APP: variants seen among roughly 807,000 people sequenced by gnomAD.
APP encodes the protein amyloid beta precursor protein.
Under a neutral mutation model 101.4 loss-of-function variants are expected in APP, and 31 were observed. The ratio of observed to expected loss-of-function variants is 0.31; its 90% CI spans 0.23 to 0.41. APP has a LOEUF of 0.41. APP is among the 10% of genes least tolerant of loss of function. The pLI, the probability that APP is intolerant of heterozygous loss-of-function variation, is 1.00. For missense variants in APP, 839 were observed against 1,003.7 expected, an observed-to-expected ratio of 0.84 and a Z score of 2.22; for synonymous variants, 366 against 364.4, an observed-to-expected ratio of 1.00 and a Z score of -0.05.
chr21:25,962,993 T>G (rs2041645348), intron 11 of APP, among the ~76,000 whole-genome samples: 1 of 152,090 alleles, frequency 6.6e-6, no homozygotes, highest in Admixed American at 6.5e-5. Flanking sequence ...TTTTGTATTT[T>G]TAGTAGAGAA....
At chr21:26,006,566 G>A (rs1253653028) in intron 6 of APP, among the ~76,000 whole-genome samples, 2 of 152,000 alleles carry the variant, frequency 1.3e-5, no homozygotes, top group Non-Finnish European at 2.9e-5. Flanking sequence ...AGAGCTCCCT[G>A]GATTATACAA....
At chr21:26,137,456 T>C (rs186940226) in intron 1 of APP, among the ~76,000 whole-genome samples, 70 of 152,320 alleles carry the variant, frequency 4.6e-4, no homozygotes, top group African/African-American at 1.6e-3. Flanking sequence ...GTGTTATAAT[T>C]TCAAGTTGTC....
intron 5 of APP, among the ~76,000 whole-genome samples, chr21:26,042,102 A>G (rs994158097): frequency 4.6e-5 from 7 of 152,170 alleles, no homozygotes; most frequent in South Asian, 4.1e-4. Flanking sequence ...TGTATGATTC[A>G]CTTTGCGGCC....
chr21:26,167,866 G>A (rs2063650895), intron 1 of APP, among the ~76,000 whole-genome samples: 1 of 152,110 alleles, frequency 6.6e-6, no homozygotes, highest in Non-Finnish European at 1.5e-5. Context: ...TCTGCAGTCT[G>A]CCAGTTATCA....
chr21:25,936,618 A>C (rs1382695323), intron 13 of APP, among the ~76,000 whole-genome samples: 1 of 152,246 alleles, frequency 6.6e-6, no homozygotes, highest in Non-Finnish European at 1.5e-5. Flanking sequence ...CATGATGCGT[A>C]GGTGGCCATT....
At chr21:25,899,450 CA>C (rs1375944258) in intron 15 of APP, among the ~76,000 whole-genome samples, 1 of 152,010 alleles carries the variant, frequency 6.6e-6, no homozygotes, top group African/African-American at 2.4e-5. Flanking sequence ...GAGACTGGGC[CA>C]AAAAAGGCAC....
intron 6 of APP, among the ~76,000 whole-genome samples, chr21:26,017,265 C>T (rs956720810): frequency 3.4e-5 from 5 of 147,720 alleles, no homozygotes; most frequent in African/African-American, 1.0e-4. Flanking sequence ...GTAAAATTTC[C>T]ACCACACAGC....
intron 8 of APP, among the ~76,000 whole-genome samples, chr21:25,986,559 G>T (rs963871956): frequency 6.6e-6 from 1 of 152,154 alleles, no homozygotes; most frequent in South Asian, 2.1e-4. Context: ...AATTAGCAGG[G>T]TGTGGTGGCG....
At chr21:26,114,988 G>A (rs1386227333) in intron 1 of APP, among the ~76,000 whole-genome samples, 6 of 151,952 alleles carry the variant, frequency 3.9e-5, no homozygotes, top group Admixed American at 1.3e-4. Flanking sequence ...ACTTGATTAC[G>A]GCGCTATAAC....
chr21:26,161,983 A>G (rs1027999541), intron 1 of APP, among the ~76,000 whole-genome samples: 17 of 152,306 alleles, frequency 1.1e-4, no homozygotes, highest in African/African-American at 3.9e-4. Flanking sequence ...TCTTTATTCT[A>G]TGAGCCTATC....
At chr21:25,997,222 T>C (rs897305644) in intron 8 of APP, 138 bp downstream of exon 8, 16 of 826,372 alleles carry the variant, frequency 1.9e-5, no homozygotes, top group Non-Finnish European at 2.9e-5. Flanking sequence ...ACAAGCAAGG[T>C]AATGGGAAGA....
Position 26,053,301 on chromosome 21 carries a change from A to G in APP, c.403T>C (p.Phe135Leu). 6.2e-7 allele frequency: 1 copy of G among 1,613,926 alleles called. No homozygotes were observed. Among genetic ancestry groups the G allele is most frequent in the East Asian group, 2.2e-5 (1 of 44,874 alleles). ...DALLVPDKCK[F>L]LHQERMDVCE... is the part of the protein sequence containing the mutation. ...ACATCCATCCTCTCCTGGTGTAAGA[A>G]TTTGCACTTGTCAGGAACGAGAAGG... Residue 135 changes from phenylalanine (F) to leucine (L), a missense_variant, in exon 4 of 18, where the codon TTC becomes CTC. By Grantham distance (22) the Phe-to-Leu change is conservative. Coordinates refer to ENST00000346798, the MANE Select transcript of APP (RefSeq NM_000484.4).
intron 11 of APP, among the ~76,000 whole-genome samples, chr21:25,970,115 A>G (rs2041974906): frequency 6.6e-6 from 1 of 152,122 alleles, no homozygotes; most frequent in African/African-American, 2.4e-5. Flanking sequence ...TGACAGTAAA[A>G]TATTTCTTCC....
chr21:25,935,905 A>C (rs1402351713), intron 13 of APP, among the ~76,000 whole-genome samples: 1 of 151,798 alleles, frequency 6.6e-6, no homozygotes, highest in African/African-American at 2.4e-5. Flanking sequence ...TCACATACCA[A>C]GGAGGTCTAG....
intron 15 of APP, among the ~76,000 whole-genome samples, chr21:25,901,308 A>C (rs868738229): frequency 0.22 from 24,317 of 112,804 alleles, 2,849 homozygotes; most frequent in South Asian, 0.38. Flanking sequence ...AAAAAAAAAA[A>C]AAAAAAAAAA....
chr21:26,131,232 A>T (rs1193400646), intron 1 of APP, among the ~76,000 whole-genome samples: 1 of 152,056 alleles, frequency 6.6e-6, no homozygotes, highest in Non-Finnish European at 1.5e-5. Flanking sequence ...GCCACCTCAA[A>T]AAATAAATAA....
intron 9 of APP, 100 bp from the exon 10 acceptor site, chr21:25,976,128 T>C: frequency 9.7e-7 from 1 of 1,030,882 alleles, no homozygotes; most frequent in Admixed American, 1.9e-5. Flanking sequence ...ATTTTTGTCA[T>C]TTTAGATATT....
At chr21:26,167,258 G>C (rs889180327) in intron 1 of APP, among the ~76,000 whole-genome samples, 4 of 152,158 alleles carry the variant, frequency 2.6e-5, no homozygotes, top group African/African-American at 9.7e-5. Flanking sequence ...GGGAGTAAGG[G>C]GAGGGAGGAG....
chr21:26,170,504 TG>T (rs938260939), intron 1 of APP, 59 bp downstream of exon 1: 8 of 1,507,146 alleles, frequency 5.3e-6, no homozygotes, highest in Admixed American at 4.0e-5. Flanking sequence ...GTTAAGGTCT[TG>T]GGGGGTATCG....
Sources: allele counts gnomAD v4.1 joint callset (sites outside exome capture counted in the v4.1 genomes callset), GRCh38; gene constraint gnomAD v4.1.1; transcripts MANE v1.5; gene names NCBI Gene and HGNC (gene_info 2026-07-23, HGNC 2026-07-21).